PRELID3B: variants seen among roughly 807,000 people sequenced by gnomAD.
PRELID3B encodes PRELI domain containing protein 3B.
A neutral mutation model predicts 24.0 loss-of-function variants in PRELID3B; 15 were observed. The ratio of observed to expected loss-of-function variants is 0.63; its 90% CI spans 0.42 to 0.96. The LOEUF (loss-of-function observed/expected upper bound fraction) is 0.96. Among genes scored for constraint, PRELID3B ranks in the 40% least tolerant of loss-of-function variants. PRELID3B has a pLI of 0.00. For missense variants in PRELID3B, 189 were observed against 236.0 expected (o/e 0.80, Z 1.30); for synonymous variants, 62 against 76.0 (o/e 0.82, Z 0.96).
intron 1 of PRELID3B, among the ~76,000 whole-genome samples, chr20:59,039,975 T>C (rs1166713954): frequency 6.6e-6 from 1 of 152,196 alleles, no homozygotes; most frequent in Non-Finnish European, 1.5e-5. Context: ...GGCCAAGCAC[T>C]GATTCTTACC....
rs766762411 is a variant in PRELID3B at position 59,037,286 on chromosome 20, TA to T, written c.202-7del. On this transcript the variant is annotated splice_polypyrimidine_tract_variant and splice_region_variant and intron_variant, in intron 2 of 5. Transcript: ENST00000355937. ...GTTCTTGCTGCACCAATAAGCTAAG[TA>T]AAACATTCAGAACTAGGAATCAGAG... 3 of 1,603,352 alleles carry T rather than the reference TA, an allele frequency of 1.9e-6. No homozygotes were observed. Among genetic ancestry groups the T allele is most frequent in the East Asian group, 4.5e-5 (2 of 44,824 alleles).
In PRELID3B at chr20:59,033,150, TAAAAG is replaced by T. The variant is rs1239710293; in HGVS notation, c.*1852_*1856del. 1.3e-5 allele frequency: 2 copies of T among 152,212 alleles called. No homozygotes were observed. Among genetic ancestry groups the T allele is most frequent in the Non-Finnish European group, 2.9e-5 (2 of 68,036 alleles). The allele number at this position is 152,212 out of a possible 1,614,324, so 9.4% of individuals were successfully genotyped here. On this transcript the variant is annotated 3_prime_UTR_variant, in exon 6 of 6. Transcript: ENST00000355937. ...AATTATAATCAGGAAAAACATCACT[TAAAAG>T]AAAGTTTTTATTAACAAAAGTTTTC...
intron 2 of PRELID3B, among the ~76,000 whole-genome samples, chr20:59,037,812 T>C (rs1198807985): frequency 1.3e-5 from 2 of 152,230 alleles, no homozygotes; most frequent in Admixed American, 6.5e-5. Context: ...GTCTGCACTA[T>C]GGTTTGCATA....
chr20:59,036,222 G>A (rs1728200622), intron 5 of PRELID3B, among the ~76,000 whole-genome samples: 1 of 152,084 alleles, frequency 6.6e-6, no homozygotes, highest in African/African-American at 2.4e-5. Context: ...CTGTAAAACG[G>A]GTAATCTCCA....
In PRELID3B at chr20:59,038,448, G is replaced by A. The variant is rs2092088907; in HGVS notation, c.201+18C>T. On this transcript the variant is annotated intron_variant, in intron 2 of 5. Transcript: ENST00000355937. ...CTCTACAGCAGTCACATTTCTCCGG[G>A]AATAAAGACACACTTACAGACTTCA... 1 of 1,603,986 alleles carries A rather than the reference G, an allele frequency of 6.2e-7. No homozygotes were observed. The highest frequency in any genetic ancestry group is 8.5e-7 in the Non-Finnish European group (1 of 1,173,836).
At position 59,037,211 on chromosome 20, in the gene PRELID3B, T is replaced by C. The variant is rs371256189; in HGVS notation, c.271A>G (p.Met91Val). 1.2e-6 allele frequency: 2 copies of C among 1,613,546 alleles called. No homozygotes were observed. Among genetic ancestry groups the C allele is most frequent in the Non-Finnish European group, 1.7e-6 (2 of 1,179,522 alleles). ...HSVVDPVEKT[M>V]ELKSTNISFT... ...CTTACATTAGTAGATTTAAGTTCCATTGTTTTCTCTACAGGATCAACTACA... is the reference window on the plus strand; with the variant it reads ...CTTACATTAGTAGATTTAAGTTCCACTGTTTTCTCTACAGGATCAACTACA... Residue 91 changes from methionine to valine, a missense_variant, in exon 3 of 6, where the codon ATG becomes GTG. Transcript: ENST00000355937.
rs766665332 is a variant in PRELID3B at position 59,036,513 on chromosome 20, A to G, written c.423T>C (p.Leu141=). ...TVKGVSLSSY[L]EGLMASTISS... is the part of the protein sequence containing the mutation. ...ATATCGTACTTGCCATCAGTCCTTC[A>G]AGGTAACTGCTGAGGCTAACTCCTT... is the stretch of plus-strand genomic sequence containing the variant. Residue 141 remains leucine, a synonymous_variant, in exon 5 of 6, where the codon CTT becomes CTC. Coordinates refer to ENST00000355937, the MANE Select transcript of PRELID3B (RefSeq NM_016045.3). 11 of 1,614,082 alleles carry G rather than the reference A, an allele frequency of 6.8e-6. No individual in the cohort carries two copies. In the East Asian group the frequency reaches 2.0e-4, roughly 29 times the overall value.
rs1402752256 is a variant in PRELID3B at position 59,037,134 on chromosome 20, G to C, written c.291+57C>G. On this transcript the variant is annotated intron_variant, in intron 3 of 5. Transcript: ENST00000355937. ...ACTCACTTCTACGGCAACTAGGAGA[G>C]GGACAAAGAACTCAGCCAGACAGTT... 2.3e-6 allele frequency: 3 copies of C among 1,284,058 alleles called. No individual in the cohort carries two copies. The African/African-American group carries it at 4.4e-5, about 19-fold the overall frequency. 79.5% of individuals were successfully genotyped at this position (1,284,058 alleles called of 1,614,324 possible).
chr20:59,041,934 G>T (rs1244990233), intron 1 of PRELID3B, among the ~76,000 whole-genome samples: 12 of 152,162 alleles, frequency 7.9e-5, no homozygotes, highest in Admixed American at 7.9e-4. Context: ...TGGAATCAGG[G>T]ACCTAGAAGA....
intron 1 of PRELID3B, 35 bp downstream of exon 1, chr20:59,042,664 G>A (rs1350396331): frequency 6.3e-7 from 1 of 1,576,232 alleles, no homozygotes; most frequent in Non-Finnish European, 8.6e-7. Context: ...CGGCGTGCCT[G>A]CCCTCCACGG....
In PRELID3B at chr20:59,035,100, T is replaced by C; in HGVS notation, c.492A>G (p.Ile164Met). 6.2e-7 allele frequency: 1 copy of C among 1,613,302 alleles called. No homozygotes were observed. Reference protein sequence around the residue: ...SKGREAMEWVIHKLNAEIEEL... With the variant: ...SKGREAMEWVMHKLNAEIEEL... The stretch of plus-strand genomic sequence containing the variant: ...CTTCAATCTCAGCATTTAATTTATG[T>C]ATTACCCATTCCATTGCTTCTCGGC... Residue 164 changes from isoleucine to methionine, a missense_variant, in exon 6 of 6, where the codon ATA (isoleucine) becomes ATG (methionine). Transcript: ENST00000355937.
At position 59,042,699 on chromosome 20, in the gene PRELID3B, T is replaced by C. The variant is rs2092119758; in HGVS notation, c.32A>G (p.Asp11Gly). The change falls in exon 1 of 6, where the codon GAC becomes GGC. Residue 11 changes from aspartate (D) to glycine (G), a missense_variant and splice_region_variant. Asp to Gly is a moderately conservative substitution (Grantham distance 94). Transcript: ENST00000355937. ...GAGCCGACCCGCGCCCCAAACTTAC[T>C]CAAAGACGTGCTCCGAAGTCCAGAT... is the stretch of plus-strand genomic sequence containing the variant. Reference protein sequence around the residue: MKIWTSEHVFDHPWETVTTAA... With the variant: MKIWTSEHVFGHPWETVTTAA... 2 of 1,595,916 alleles carry C rather than the reference T, an allele frequency of 1.3e-6. No homozygotes were observed. The highest frequency in any genetic ancestry group is 3.5e-5 in the Admixed American group (2 of 56,944).
chr20:59,037,654 C>T (rs1480044261), intron 2 of PRELID3B, among the ~76,000 whole-genome samples: 1 of 152,222 alleles, frequency 6.6e-6, no homozygotes, highest in East Asian at 1.9e-4. Context: ...TCAGTATCTT[C>T]CTAGAACAGC....
chr20:59,042,159 C>T (rs2092114720), intron 1 of PRELID3B, among the ~76,000 whole-genome samples: 1 of 152,242 alleles, frequency 6.6e-6, no homozygotes, highest in South Asian at 2.1e-4. Context: ...ATCCAAGGCT[C>T]TGCTGCGTAG....
chr20:59,039,224 C>T (rs2092095466), intron 1 of PRELID3B, among the ~76,000 whole-genome samples: 1 of 152,160 alleles, frequency 6.6e-6, no homozygotes, highest in Non-Finnish European at 1.5e-5. Flanking sequence ...AAGAGTGATT[C>T]TGATTTCTGT....
At chr20:59,037,339 C>T (rs951696166) in intron 2 of PRELID3B, 59 bp from the exon 3 acceptor site, 11 of 1,216,108 alleles carry the variant, frequency 9.0e-6, no homozygotes, top group Middle Eastern at 3.7e-4. Context: ...CCAAGTCTAT[C>T]AATATTTTAT....
Sources: allele counts gnomAD v4.1 joint callset (sites outside exome capture counted in the v4.1 genomes callset), GRCh38; gene constraint gnomAD v4.1.1; transcripts MANE v1.5; gene names NCBI Gene and HGNC (gene_info 2026-07-23, HGNC 2026-07-21).